CA10: variants seen among roughly 807,000 people sequenced by gnomAD.
CA10 encodes the protein carbonic anhydrase-related protein 10.
In CA10, 14 loss-of-function variants were observed where a neutral mutation model predicts 44.2. The observed-to-expected ratio is 0.32, with a 90% CI of 0.21 to 0.50. The LOEUF (loss-of-function observed/expected upper bound fraction) is 0.50, where lower values mean the gene tolerates loss of function less well. Ranked by LOEUF, CA10 falls within the 20% of genes least tolerant of loss-of-function variation. The probability of loss-of-function intolerance (pLI) is 0.99; values close to 1 mark genes in which losing one functional copy is unlikely to be tolerated. For synonymous variants in CA10, 159 were observed against 141.6 expected (o/e 1.12, Z -0.87); for missense variants, 350 against 409.7 (o/e 0.85, Z 1.26).
rs192254484 is a variant in CA10, at chr17:51,721,151, G to A, written c.465+26482C>T. ...TTGAGACCAGCCTGGCCAACATGGC[G>A]AAACCCCGTCTCTACTAAAAATACA... On this transcript the variant is annotated intron_variant, in intron 4 of 8. Transcript: ENST00000451037. Among the ~76,000 whole-genome samples the A allele has an allele frequency of 2.3e-3, 351 of 152,076 alleles. 1 individual carries two copies. The highest frequency in any genetic ancestry group is 8.4e-3 in the African/African-American group (349 of 41,544).
chr17:51,762,683 G>T (rs1360524534), intron 3 of CA10: 1 of 152,084 alleles, frequency 6.6e-6, no homozygotes, highest in Non-Finnish European at 1.5e-5. Flanking sequence ...AATCTGTATG[G>T]TAGGAAGTAT....
At chr17:52,112,375 T>C (rs1056845452) in intron 1 of CA10, among the ~76,000 whole-genome samples, 2 of 152,206 alleles carry the variant, frequency 1.3e-5, no homozygotes, top group African/African-American at 4.8e-5. Context: ...TTAGTAAAGT[T>C]TCATTACAAC....
At chr17:52,096,312 T>A (rs1159277137) in intron 1 of CA10, among the ~76,000 whole-genome samples, 7 of 152,190 alleles carry the variant, frequency 4.6e-5, no homozygotes, top group Admixed American at 4.6e-4. Flanking sequence ...CACCTTCTAC[T>A]GTCAGGAAGA....
intron 3 of CA10, among the ~76,000 whole-genome samples, chr17:51,748,795 T>G (rs935117544): frequency 5.9e-5 from 9 of 152,226 alleles, no homozygotes; most frequent in African/African-American, 2.2e-4. Flanking sequence ...ACACCTTCAT[T>G]AGATGTGGTT....
chr17:51,997,403 G>C (rs1985274984), intron 2 of CA10, among the ~76,000 whole-genome samples: 1 of 152,116 alleles, frequency 6.6e-6, no homozygotes, highest in South Asian at 2.1e-4. Context: ...CATCATGCCA[G>C]GTGACATAAA....
chr17:52,135,576 G>A (rs571235720), intron 1 of CA10, among the ~76,000 whole-genome samples: 11 of 152,184 alleles, frequency 7.2e-5, no homozygotes, highest in East Asian at 5.8e-4. Flanking sequence ...CTCAGCGCAC[G>A]TTCCTATTCC....
intron 2 of CA10, among the ~76,000 whole-genome samples, chr17:51,944,980 G>A (rs529690268): frequency 6.6e-6 from 1 of 152,222 alleles, no homozygotes; most frequent in East Asian, 1.9e-4. Flanking sequence ...GGATGATCCG[G>A]GTAGACCCAG....
chr17:51,794,709 T>C (rs1007124593), intron 3 of CA10, among the ~76,000 whole-genome samples: 3 of 152,156 alleles, frequency 2.0e-5, no homozygotes, highest in African/African-American at 7.2e-5. Flanking sequence ...ATAGAGATTG[T>C]CAGAGTTTCA....
intron 2 of CA10, among the ~76,000 whole-genome samples, chr17:52,032,161 G>A (rs1338951643): frequency 2.6e-5 from 4 of 152,242 alleles, no homozygotes; most frequent in Non-Finnish European, 4.4e-5. Flanking sequence ...CCCAGACATG[G>A]TTAAAAATAT....
At chr17:51,912,629 G>C (rs1204347887) in intron 3 of CA10, among the ~76,000 whole-genome samples, 2 of 152,162 alleles carry the variant, frequency 1.3e-5, no homozygotes, top group Non-Finnish European at 2.9e-5. Context: ...GTATTTCAGA[G>C]GCAGATTACC....
At chr17:52,069,953 A>G (rs143649334) in intron 2 of CA10, among the ~76,000 whole-genome samples, 101 of 152,230 alleles carry the variant, frequency 6.6e-4, no homozygotes, top group African/African-American at 2.4e-3. Flanking sequence ...ATTGAAGAAC[A>G]CTCTTAACTT....
At chr17:51,657,846 C>CG (rs1913850438) in intron 4 of CA10, among the ~76,000 whole-genome samples, 1 of 152,048 alleles carries the variant, frequency 6.6e-6, no homozygotes, top group South Asian at 2.1e-4. Context: ...GCAAACTCTT[C>CG]GGGGGCTAAT....
chr17:52,093,590 T>C (rs1380127573), intron 1 of CA10, among the ~76,000 whole-genome samples: 1 of 152,220 alleles, frequency 6.6e-6, no homozygotes, highest in Non-Finnish European at 1.5e-5. Context: ...TTCACTCCTC[T>C]CTTGTTGTCA....
intron 2 of CA10, among the ~76,000 whole-genome samples, chr17:51,987,284 C>T (rs1187348170): frequency 1.3e-5 from 2 of 151,938 alleles, no homozygotes; most frequent in African/African-American, 4.8e-5. Flanking sequence ...GAATGGAAAA[C>T]CAAACATCAT....
At chr17:51,912,745 A>G (rs974386614) in intron 3 of CA10, among the ~76,000 whole-genome samples, 1 of 152,196 alleles carries the variant, frequency 6.6e-6, no homozygotes, top group East Asian at 1.9e-4. Flanking sequence ...CTGATATCAT[A>G]CCCAAGAGAA....
chr17:52,081,485 G>A (rs575940275), intron 1 of CA10, among the ~76,000 whole-genome samples: 1 of 152,296 alleles, frequency 6.6e-6, no homozygotes, highest in Non-Finnish European at 1.5e-5. Context: ...GGCAGTGCTG[G>A]TGAAAATAGA....
At chr17:51,680,957 T>A (rs1163308669) in intron 4 of CA10, among the ~76,000 whole-genome samples, 2 of 152,170 alleles carry the variant, frequency 1.3e-5, no homozygotes, top group East Asian at 3.9e-4. Flanking sequence ...CAGGGTAGAG[T>A]ACAAATCCAA....
At chr17:52,087,864 G>A (rs984587974) in intron 1 of CA10, among the ~76,000 whole-genome samples, 1 of 152,170 alleles carries the variant, frequency 6.6e-6, no homozygotes, top group Non-Finnish European at 1.5e-5. Flanking sequence ...ACTTTCAGAA[G>A]AGTTAACGGT....
chr17:51,717,677 GTATATA>G (rs1567815253), intron 4 of CA10, among the ~76,000 whole-genome samples: 750 of 41,976 alleles, frequency 0.018, 130 homozygotes, highest in Middle Eastern at 0.047. Context: ...ATGTATATAT[GTATATA>G]TGTATACATA....
Sources: gnomAD v4.1 joint callset for allele counts (sites outside exome capture counted in the v4.1 genomes callset) on GRCh38, gnomAD v4.1.1 for gene constraint, MANE v1.5 for transcripts, NCBI Gene and HGNC (gene_info 2026-07-23, HGNC 2026-07-21) for gene names.